The following DMD variants were observed in gnomAD, a reference collection of about 807,000 sequenced individuals.
DMD encodes the protein dystrophin.
Under a neutral mutation model 330.1 loss-of-function variants are expected in DMD, and 63 were observed. The observed-to-expected ratio is 0.19, with a 90% CI of 0.16 to 0.24. The LOEUF is 0.24. DMD is among the 10% of genes least tolerant of loss of function. The pLI is 1.00. For missense variants in DMD, 3,344 were observed against 2,684.1 expected, an observed-to-expected ratio of 1.25 and a Z score of -5.43; for synonymous variants, 1,223 against 959.8, an observed-to-expected ratio of 1.27 and a Z score of -5.07.
chrX:32,700,027 G>A (rs1446323495), intron 7 of DMD, among the ~76,000 whole-genome samples: 2 of 111,615 alleles, frequency 1.8e-5, no homozygotes, highest in East Asian at 5.6e-4. Context: ...AGCATTTAAA[G>A]TCAATAATAC....
intron 47 of DMD, among the ~76,000 whole-genome samples, chrX:31,901,552 T>C (rs2094422541): frequency 9.0e-6 from 1 of 111,582 alleles, no homozygotes; most frequent in Non-Finnish European, 1.9e-5. Context: ...ACATAATTAC[T>C]TTCCAAGCTA....
At chrX:32,411,552 C>A (rs2098142175) in intron 30 of DMD, among the ~76,000 whole-genome samples, 200 bp downstream of exon 30, 1 of 111,637 alleles carries the variant, frequency 9.0e-6, no homozygotes, top group Admixed American at 9.5e-5. Flanking sequence ...CAAATTCCTC[C>A]ATTACATCCT....
At chrX:32,445,361 A>G (rs900841097) in intron 27 of DMD, among the ~76,000 whole-genome samples, 4 of 110,621 alleles carry the variant, frequency 3.6e-5, no homozygotes, top group Middle Eastern at 4.7e-3. Flanking sequence ...GGACTTTCAC[A>G]TGAAGAGAGT....
intron 1 of DMD, among the ~76,000 whole-genome samples, chrX:33,108,497 C>A (rs1463746022): frequency 9.4e-6 from 1 of 106,488 alleles, no homozygotes; most frequent in East Asian, 3.4e-4. Flanking sequence ...AACTCCTGAT[C>A]TCAGGTGATC....
chrX:32,803,202 G>A (rs2076708136), intron 7 of DMD, among the ~76,000 whole-genome samples: 1 of 111,569 alleles, frequency 9.0e-6, no homozygotes, highest in Admixed American at 9.5e-5. Flanking sequence ...TTGGAAGAGT[G>A]TATATGTACA....
In DMD at chrX:31,574,771, C is replaced by T. The variant is rs978210897; in HGVS notation, c.8217+52902G>A. Among the ~76,000 whole-genome samples, 4 of 111,352 alleles carry T rather than the reference C, an allele frequency of 3.6e-5. No homozygotes were observed. In the East Asian group the frequency reaches 1.1e-3, roughly 32 times the overall value. ...TTTTTTCAGTCTTTAGCAAATTCCA[C>T]ATCGTATTTGGCCAAATCAGACATA... On this transcript the variant is annotated intron_variant, in intron 55 of 78. Coordinates refer to ENST00000357033, the MANE Select transcript of DMD (RefSeq NM_004006.3).
At chrX:32,676,313 C>CA (rs989464106) in intron 9 of DMD, among the ~76,000 whole-genome samples, 5 of 111,180 alleles carry the variant, frequency 4.5e-5, no homozygotes, top group Non-Finnish European at 9.4e-5. Flanking sequence ...TCCACGAACA[C>CA]AAAGTTTGCA....
At chrX:31,221,629 G>C (rs753639262) in intron 64 of DMD, among the ~76,000 whole-genome samples, 2 of 113,042 alleles carry the variant, frequency 1.8e-5, no homozygotes, top group Non-Finnish European at 1.9e-5. Flanking sequence ...TGGAAATAGA[G>C]ACAAGATCAC....
rs2059699090 is a variant in DMD at position 32,645,087 on chromosome X, G to A, written c.1026C>T (p.Asp342=). ...SSLMESEVNL[D]RYQTALEEVL... ...CTTCTTCTAAAGCTGTTTGATAACGGTCCAGGTTTACTTCACTCTCCATCA... is the reference window on the plus strand; with the variant it reads ...CTTCTTCTAAAGCTGTTTGATAACGATCCAGGTTTACTTCACTCTCCATCA... The change falls in exon 10 of 79, where the codon GAC becomes GAT. Residue 342 remains aspartate, a synonymous_variant. Transcript: ENST00000357033. 8.3e-7 allele frequency: 1 copy of A among 1,211,368 alleles called. No homozygotes were observed. The highest frequency in any genetic ancestry group is 1.1e-6 in the Non-Finnish European group (1 of 895,387).
intron 1 of DMD, among the ~76,000 whole-genome samples, chrX:33,190,903 A>T (rs1333228223): frequency 3.4e-3 from 2 of 596 alleles, no homozygotes; most frequent in South Asian, 0.05. Context: ...TATATTATAT[A>T]ATATATAATA....
Position 32,450,092 on chromosome X carries a change from C to T in DMD, c.3604-1454G>A, listed in dbSNP as rs140467524. 4.0e-3 allele frequency among the ~76,000 whole-genome samples: 443 copies of T among 110,876 alleles called. 4 individuals carry two copies. Among genetic ancestry groups the T allele is most frequent in the African/African-American group, 0.014 (429 of 30,604 alleles). On this transcript the variant is annotated intron_variant, in intron 26 of 78. Coordinates refer to ENST00000357033, the MANE Select transcript of DMD (RefSeq NM_004006.3). ...TTGGGGAAATGTTAATTTCCCAGTA[C>T]TTGCAAGCCTACCACACAAGTGCAA...
intron 9 of DMD, among the ~76,000 whole-genome samples, chrX:32,656,003 T>A (rs1029161714): frequency 1.8e-5 from 2 of 111,273 alleles, no homozygotes; most frequent in African/African-American, 6.5e-5. Flanking sequence ...ATTCCTACAT[T>A]AAAAAAATGG....
intron 44 of DMD, among the ~76,000 whole-genome samples, chrX:32,139,269 C>A (rs932865947): frequency 9.0e-6 from 1 of 111,718 alleles, no homozygotes; most frequent in Non-Finnish European, 1.9e-5. Flanking sequence ...ATAAATATTA[C>A]AATCTCAGTC....
At chrX:32,509,701 G>A (rs1250490556) in intron 18 of DMD, among the ~76,000 whole-genome samples, 1 of 111,762 alleles carries the variant, frequency 8.9e-6, no homozygotes, top group African/African-American at 3.3e-5. Flanking sequence ...CTTCTTAGAA[G>A]TATTTGCTAA....
At chrX:31,662,221 G>C (rs1362577259) in intron 53 of DMD, among the ~76,000 whole-genome samples, 1 of 111,759 alleles carries the variant, frequency 8.9e-6, no homozygotes, top group Non-Finnish European at 1.9e-5. Context: ...GGTTAACTTA[G>C]AGAATTCAGG....
chrX:32,723,200 T>A (rs1452587005), intron 7 of DMD, among the ~76,000 whole-genome samples: 1 of 111,804 alleles, frequency 8.9e-6, no homozygotes, highest in Non-Finnish European at 1.9e-5. Context: ...CATGTGGTTT[T>A]TCATCTTTCT....
chrX:32,598,936 A>G (rs997440692), intron 12 of DMD, among the ~76,000 whole-genome samples: 52 of 112,037 alleles, frequency 4.6e-4, no homozygotes, highest in African/African-American at 1.6e-3. Flanking sequence ...TACAGTGACT[A>G]AGAACGTTGA....
chrX:32,052,028 C>T (rs1163492993), intron 44 of DMD, among the ~76,000 whole-genome samples: 1 of 111,833 alleles, frequency 8.9e-6, no homozygotes, highest in Non-Finnish European at 1.9e-5. Context: ...AATATGTTCC[C>T]AGGAATTTTC....
In DMD at chrX:32,494,367, T is replaced by C. The variant is rs771857588; in HGVS notation, c.2381-2849A>G. Among the ~76,000 whole-genome samples the C allele has an allele frequency of 1.6e-3, 178 of 111,360 alleles. 1 individual carries two copies. Among genetic ancestry groups the C allele is most frequent in the African/African-American group, 5.7e-3 (176 of 30,637 alleles). On this transcript the variant is annotated intron_variant, in intron 19 of 78. Transcript: ENST00000357033. Reference sequence around the variant, plus strand: ...CAGGCAATGAAAATGCAGTGATAGGTAAAAGAACGACATCTATAATAGCAA... The same window carrying C: ...CAGGCAATGAAAATGCAGTGATAGGCAAAAGAACGACATCTATAATAGCAA...
Sources: gnomAD v4.1 joint callset for allele counts (sites outside exome capture counted in the v4.1 genomes callset) on GRCh38, gnomAD v4.1.1 for gene constraint, MANE v1.5 for transcripts, NCBI Gene and HGNC (gene_info 2026-07-23, HGNC 2026-07-21) for gene names.